OPCML: variants seen among roughly 807,000 people sequenced by gnomAD.
OPCML encodes opioid binding protein/cell adhesion molecule like.
In OPCML, 13 loss-of-function variants were observed where a neutral mutation model predicts 37.8. The ratio of observed to expected loss-of-function variants is 0.34; its 90% CI spans 0.22 to 0.55. OPCML has a LOEUF of 0.55. Ranked by LOEUF, OPCML falls within the 20% of genes least tolerant of loss-of-function variation. OPCML has a pLI of 0.91. For synonymous variants in OPCML, 176 were observed against 168.8 expected (o/e 1.04, Z -0.33); for missense variants, 341 against 435.6 (o/e 0.78, Z 1.93).
intron 2 of OPCML, among the ~76,000 whole-genome samples, chr11:132,711,750 A>C (rs1178981035): frequency 6.6e-6 from 1 of 152,210 alleles, no homozygotes; most frequent in Non-Finnish European, 1.5e-5. Flanking sequence ...GTGTACACAC[A>C]CATATATGGT....
chr11:133,447,244 T>C (rs565295515), intron 1 of OPCML, among the ~76,000 whole-genome samples: 2 of 152,348 alleles, frequency 1.3e-5, no homozygotes, highest in South Asian at 2.1e-4. Flanking sequence ...GGCATCTCAT[T>C]GTGGTTTTAA....
At chr11:132,598,625 C>T (rs2096496316) in intron 3 of OPCML, among the ~76,000 whole-genome samples, 1 of 151,938 alleles carries the variant, frequency 6.6e-6, no homozygotes, top group South Asian at 2.1e-4. Context: ...TTTGGTGTGT[C>T]AAAAAATAGA....
At chr11:132,731,532 C>G (rs1945075691) in intron 2 of OPCML, among the ~76,000 whole-genome samples, 1 of 152,156 alleles carries the variant, frequency 6.6e-6, no homozygotes, top group Admixed American at 6.5e-5. Flanking sequence ...AACTCATCCA[C>G]TAAAATTGGC....
chr11:132,572,408 C>G lies in OPCML; in HGVS notation c.380-43222G>C, dbSNP rs186128669. 5.9e-5 allele frequency among the ~76,000 whole-genome samples: 9 copies of G among 152,026 alleles called. No individual in the cohort carries two copies. The East Asian group carries it at 1.4e-3, about 23-fold the overall frequency. ...CATGTCTTCTGTTTAAGTCTTTAAA[C>G]CATTTTGAGTTGGTTTTGTGTATGC... On this transcript the variant is annotated intron_variant, in intron 3 of 7. Coordinates refer to ENST00000524381, the MANE Select transcript of OPCML (RefSeq NM_001012393.5).
chr11:133,505,871 G>C (rs1039716716), intron 1 of OPCML, among the ~76,000 whole-genome samples: 4 of 152,052 alleles, frequency 2.6e-5, no homozygotes, highest in African/African-American at 9.7e-5. Flanking sequence ...CCACACTCCC[G>C]GCCGACCTTC....
At chr11:132,812,938 T>A (rs902660087) in intron 2 of OPCML, among the ~76,000 whole-genome samples, 2 of 152,180 alleles carry the variant, frequency 1.3e-5, no homozygotes. Context: ...TATACAGAGG[T>A]CCTATAACTT....
chr11:132,488,720 A>G (rs2096207372), intron 4 of OPCML, among the ~76,000 whole-genome samples: 1 of 152,182 alleles, frequency 6.6e-6, no homozygotes, highest in Non-Finnish European at 1.5e-5. Flanking sequence ...TTACTTTACC[A>G]ACATAATTTT....
chr11:132,478,604 T>C (rs932496322), intron 4 of OPCML, among the ~76,000 whole-genome samples: 1 of 152,218 alleles, frequency 6.6e-6, no homozygotes, highest in Non-Finnish European at 1.5e-5. Context: ...TGTTCTAAAC[T>C]CAACAGTGAA....
intron 1 of OPCML, among the ~76,000 whole-genome samples, chr11:133,348,414 T>A (rs533051400): frequency 1.3e-5 from 2 of 152,322 alleles, no homozygotes; most frequent in South Asian, 4.1e-4. Context: ...ATTGCTTTCC[T>A]GAATGAAGGG....
intron 1 of OPCML, among the ~76,000 whole-genome samples, chr11:133,183,934 C>T (rs137912129): frequency 5.3e-5 from 8 of 152,294 alleles, no homozygotes; most frequent in South Asian, 4.2e-4. Context: ...CTGGCTCACA[C>T]GGGAGATTAA....
intron 1 of OPCML, among the ~76,000 whole-genome samples, chr11:132,972,389 G>A (rs1946365034): frequency 6.6e-6 from 1 of 152,208 alleles, no homozygotes; most frequent in Non-Finnish European, 1.5e-5. Flanking sequence ...ACTGGCATGA[G>A]GGCCATCCAC....
At chr11:132,996,618 CAAAAAAAAAAA>C (rs11285711) in intron 1 of OPCML, among the ~76,000 whole-genome samples, 32 of 123,400 alleles carry the variant, frequency 2.6e-4, no homozygotes, top group African/African-American at 9.9e-4. Flanking sequence ...GGCTCCATCT[CAAAAAAAAAAA>C]AAAAAAATAC....
At chr11:133,420,308 T>C (rs1248954976) in intron 1 of OPCML, 1 of 985,466 alleles carries the variant, frequency 1.0e-6, no homozygotes, top group South Asian at 4.7e-5. Context: ...TGCAAATTAA[T>C]CCTAGCCATG....
intron 7 of OPCML, among the ~76,000 whole-genome samples, chr11:132,427,030 G>A (rs530370830): frequency 1.3e-5 from 2 of 152,344 alleles, no homozygotes; most frequent in Admixed American, 6.5e-5. Flanking sequence ...GTATTGGAAT[G>A]TGTCACTGGT....
At position 133,342,345 on chromosome 11, in the gene OPCML, C is replaced by T. The variant is rs145307834; in HGVS notation, c.61+189919G>A. 2.9e-3 allele frequency among the ~76,000 whole-genome samples: 449 copies of T among 152,274 alleles called. 4 individuals are homozygous for T. The highest frequency in any genetic ancestry group is 0.014 in the Middle Eastern group (4 of 294). On this transcript the variant is annotated intron_variant, in intron 1 of 7. Coordinates refer to ENST00000524381, the MANE Select transcript of OPCML (RefSeq NM_001012393.5). Reference sequence around the variant, plus strand: ...ATCACTCCATGAGCACAGGAAACACCGCGCCCCGCACTCATGGTTATGCAA... The same window carrying T: ...ATCACTCCATGAGCACAGGAAACACTGCGCCCCGCACTCATGGTTATGCAA...
At chr11:133,168,198 G>A (rs1343569192) in intron 1 of OPCML, among the ~76,000 whole-genome samples, 1 of 152,182 alleles carries the variant, frequency 6.6e-6, no homozygotes, top group African/African-American at 2.4e-5. Flanking sequence ...CCAGTGAAAT[G>A]CCTCCCCGAA....
At chr11:132,564,550 C>T (rs2137526131) in intron 3 of OPCML, among the ~76,000 whole-genome samples, 1 of 152,300 alleles carries the variant, frequency 6.6e-6, no homozygotes, top group African/African-American at 2.4e-5. Flanking sequence ...TGGAGCTCCG[C>T]ATAAACTGAT....
At chr11:132,661,335 C>T (rs919418714) in intron 2 of OPCML, among the ~76,000 whole-genome samples, 1 of 152,144 alleles carries the variant, frequency 6.6e-6, no homozygotes, top group Non-Finnish European at 1.5e-5. Flanking sequence ...CTGAGGGAAA[C>T]AATGAAATCA....
chr11:132,457,090 C>T (rs921813689), intron 4 of OPCML, among the ~76,000 whole-genome samples: 23 of 152,060 alleles, frequency 1.5e-4, no homozygotes, highest in Admixed American at 3.3e-4. Context: ...AGCTGAGACC[C>T]GAGCTGAGAC....
Sources: allele counts gnomAD v4.1 joint callset (sites outside exome capture counted in the v4.1 genomes callset), GRCh38; gene constraint gnomAD v4.1.1; transcripts MANE v1.5; gene names NCBI Gene and HGNC (gene_info 2026-07-23, HGNC 2026-07-21).